The following LEKR1 variants were observed in gnomAD, a reference collection of about 807,000 sequenced individuals.
LEKR1 encodes the protein leucine, glutamate and lysine rich 1.
Under a neutral mutation model 72.4 loss-of-function variants are expected in LEKR1, and 59 were observed. That is an observed-to-expected ratio of 0.82 (90% CI 0.66 to 1.01). The LOEUF is 1.01. Among genes scored for constraint, LEKR1 ranks in the 50% least tolerant of loss-of-function variants. The pLI, the probability that LEKR1 is intolerant of heterozygous loss-of-function variation, is 0.00. For synonymous variants in LEKR1, 257 were observed against 263.2 expected (o/e 0.98, Z 0.23); for missense variants, 728 against 759.2 (o/e 0.96, Z 0.48).
At chr3:156,975,681 C>T (rs1383544625) in intron 6 of LEKR1, among the ~76,000 whole-genome samples, 1 of 152,192 alleles carries the variant, frequency 6.6e-6, no homozygotes, top group Non-Finnish European at 1.5e-5. Context: ...CAGCAAACAG[C>T]TGGCTTCATA....
At chr3:156,873,172 C>CT (rs1718159777) in intron 3 of LEKR1, among the ~76,000 whole-genome samples, 1 of 151,784 alleles carries the variant, frequency 6.6e-6, no homozygotes, top group Admixed American at 6.6e-5. Context: ...ATATAATGAC[C>CT]TTTTTTGTGT....
In LEKR1 at chr3:157,045,823, T is replaced by A. The variant is rs1177564754; in HGVS notation, c.*73T>A. On this transcript the variant is annotated 3_prime_UTR_variant, in exon 13 of 13. Coordinates refer to ENST00000356539, the MANE Select transcript of LEKR1 (RefSeq NM_001004316.3). ...GAGAGTGCCAGGAATTCACTGTAAC[T>A]GAGAATGACAATGATAAAATTATTT... The A allele has an allele frequency of 7.9e-7, 1 of 1,263,768 alleles. No homozygotes were observed. Among genetic ancestry groups the A allele is most frequent in the Non-Finnish European group, 1.1e-6 (1 of 902,792 alleles). The allele number at this position is 1,263,768 out of a possible 1,614,324, so 78.3% of individuals were successfully genotyped here.
intron 6 of LEKR1, among the ~76,000 whole-genome samples, chr3:156,943,354 A>T (rs1487337626): frequency 1.3e-5 from 2 of 151,954 alleles, no homozygotes; most frequent in Non-Finnish European, 2.9e-5. Context: ...AAGACTAACC[A>T]TAAGAAGCTG....
At position 157,028,378 on chromosome 3, in the gene LEKR1, G is replaced by A. The variant is rs1734360186; in HGVS notation, c.1644G>A (p.Glu548=). 9 of 1,607,734 alleles carry A rather than the reference G, an allele frequency of 5.6e-6. No homozygotes were observed. The highest frequency in any genetic ancestry group is 7.6e-6 in the Non-Finnish European group (9 of 1,176,802). The change falls in exon 12 of 13, where the codon GAG becomes GAA. Residue 548 remains glutamate, a synonymous_variant. Transcript: ENST00000356539. ...TGCTGGCTCAAACACAACTGATAGA[G>A]CAATTTAACCAGTCCCAGGAAGAGG... ...RVMLAQTQLI[E]QFNQSQEENT...
chr3:157,024,971 A>T, intron 11 of LEKR1, 47 bp downstream of exon 11: 2 of 1,335,478 alleles, frequency 1.5e-6, no homozygotes, highest in Non-Finnish European at 2.1e-6. Context: ...TTGAAACTGC[A>T]GATGTTGTAT....
intron 4 of LEKR1, chr3:156,924,447 A>T: frequency 1.6e-6 from 1 of 616,506 alleles, no homozygotes; most frequent in Non-Finnish European, 2.9e-6. Flanking sequence ...GTCTTTTGAA[A>T]AGCAAAGTTT....
At chr3:156,982,397 T>C (rs56217505) in intron 7 of LEKR1, among the ~76,000 whole-genome samples, 11,155 of 152,182 alleles carry the variant, frequency 0.073, 946 homozygotes, top group African/African-American at 0.19. Flanking sequence ...TTCTAGTGTC[T>C]TTTTAGAAGT....
At chr3:156,843,848 CG>C (rs1560018490) in intron 2 of LEKR1, among the ~76,000 whole-genome samples, 2 of 151,216 alleles carry the variant, frequency 1.3e-5, no homozygotes, top group Non-Finnish European at 3.0e-5. Flanking sequence ...TGTGTGTGGA[CG>C]TTTATGTGTG....
chr3:156,896,368 A>G (rs1278332639), intron 3 of LEKR1, among the ~76,000 whole-genome samples: 3 of 152,228 alleles, frequency 2.0e-5, no homozygotes, highest in Non-Finnish European at 4.4e-5. Flanking sequence ...GTTGAAAAAA[A>G]TAATAAATAA....
At chr3:156,826,722 GT>G (rs1275702571) in intron 1 of LEKR1, 4 of 155,542 alleles carry the variant, frequency 2.6e-5, no homozygotes, top group Non-Finnish European at 5.8e-5. Context: ...CATTCCAGCA[GT>G]TTTGTCTGGC....
intron 12 of LEKR1, among the ~76,000 whole-genome samples, chr3:157,045,002 A>G (rs1197993224): frequency 1.3e-5 from 2 of 152,236 alleles, no homozygotes; most frequent in Non-Finnish European, 2.9e-5. Flanking sequence ...AGAGAAGTTG[A>G]AACTCCACTG....
intron 2 of LEKR1, among the ~76,000 whole-genome samples, chr3:156,835,476 C>G (rs1712984576): frequency 6.6e-6 from 1 of 152,200 alleles, no homozygotes; most frequent in African/African-American, 2.4e-5. Context: ...CCTGGGTCCC[C>G]CAAAAGAGAA....
At chr3:156,906,220 G>A (rs1722518812) in intron 3 of LEKR1, among the ~76,000 whole-genome samples, 2 of 152,096 alleles carry the variant, frequency 1.3e-5, no homozygotes, top group South Asian at 4.1e-4. Context: ...TTCATTATGT[G>A]TAATATTAAT....
intron 3 of LEKR1, among the ~76,000 whole-genome samples, chr3:156,872,307 T>G (rs1258048350): frequency 6.6e-6 from 1 of 152,052 alleles, no homozygotes; most frequent in African/African-American, 2.4e-5. Flanking sequence ...TGATTTTATT[T>G]ATCTGAGTTT....
chr3:156,919,594 T>A (rs1723998931), intron 3 of LEKR1, among the ~76,000 whole-genome samples: 1 of 152,194 alleles, frequency 6.6e-6, no homozygotes, highest in South Asian at 2.1e-4. Context: ...ATTGTTTGAT[T>A]ATATGTGATA....
At chr3:156,858,010 A>G (rs1403632893) in intron 3 of LEKR1, among the ~76,000 whole-genome samples, 1 of 152,160 alleles carries the variant, frequency 6.6e-6, no homozygotes, top group Non-Finnish European at 1.5e-5. Flanking sequence ...GGTTGGTTGA[A>G]TTTTGATGAC....
Position 157,045,609 on chromosome 3 carries a change from A to G in LEKR1, c.1938A>G (p.Pro646=), listed in dbSNP as rs1735695651. ...LRGVSKPTTF[P]TSDKPKRVRS... is the part of the protein sequence containing the mutation. ...GGGTGTCAAAACCCACCACTTTCCC[A>G]ACCTCAGATAAGCCGAAGAGGGTTA... The change falls in exon 13 of 13, where the codon CCA becomes CCG. Residue 646 remains proline, a synonymous_variant. Transcript: ENST00000356539. 2 of 1,614,046 alleles carry G rather than the reference A, an allele frequency of 1.2e-6. No individual in the cohort carries two copies. Among genetic ancestry groups the G allele is most frequent in the Non-Finnish European group, 1.7e-6 (2 of 1,180,026 alleles).
chr3:157,026,108 A>G (rs1290054033), intron 11 of LEKR1, among the ~76,000 whole-genome samples: 1 of 152,090 alleles, frequency 6.6e-6, no homozygotes, highest in Non-Finnish European at 1.5e-5. Context: ...TGTAAGTGAA[A>G]TCCTACTGTG....
rs780222040 is a variant in LEKR1 at position 156,993,098 on chromosome 3, A to G, written c.930A>G (p.Lys310=). The G allele has an allele frequency of 6.2e-7, 1 of 1,603,080 alleles. No individual in the cohort carries two copies. The highest frequency in any genetic ancestry group is 1.1e-5 in the South Asian group (1 of 89,142). Residue 310 remains lysine (K), a synonymous_variant, in exon 9 of 13, where the codon AAA becomes AAG. Coordinates refer to ENST00000356539, the MANE Select transcript of LEKR1 (RefSeq NM_001004316.3). ...ESQHTMLLKE[K]EDSLMTCQQI... ...GGCATACTATGCTGCTTAAGGAAAA[A>G]GAAGACTCTTTAATGACTTGTCAAC...
Sources: gnomAD v4.1 joint callset for allele counts (sites outside exome capture counted in the v4.1 genomes callset) on GRCh38, gnomAD v4.1.1 for gene constraint, MANE v1.5 for transcripts, NCBI Gene and HGNC (gene_info 2026-07-23, HGNC 2026-07-21) for gene names.